The following AFF3 variants were observed in gnomAD, a reference collection of about 807,000 sequenced individuals.
AFF3 encodes ALF transcription elongation factor 3.
In AFF3, 32 loss-of-function variants were observed where a neutral mutation model predicts 129.7. That is an observed-to-expected ratio of 0.25 (90% confidence interval 0.19 to 0.33). The LOEUF is 0.33. Among genes scored for constraint, AFF3 ranks in the 10% least tolerant of loss-of-function variants. The pLI is 1.00. For missense variants in AFF3, 1,373 were observed against 1,592.0 expected (o/e 0.86, Z 2.34); for synonymous variants, 644 against 635.4 (o/e 1.01, Z -0.20).
chr2:100,078,960 T>G (rs1372344101), intron 4 of AFF3, among the ~76,000 whole-genome samples: 1 of 149,304 alleles, frequency 6.7e-6, no homozygotes, highest in Non-Finnish European at 1.5e-5. Context: ...TTTTTTTTTT[T>G]GAGACAGAGT....
chr2:99,559,189 T>A (rs1029203491), intron 21 of AFF3, among the ~76,000 whole-genome samples: 14 of 152,230 alleles, frequency 9.2e-5, no homozygotes, highest in Non-Finnish European at 1.6e-4. Flanking sequence ...CATTTATCAC[T>A]AGATAATTTT....
chr2:100,022,218 C>G (rs564434682), intron 4 of AFF3, among the ~76,000 whole-genome samples: 3 of 152,276 alleles, frequency 2.0e-5, no homozygotes, highest in East Asian at 3.9e-4. Flanking sequence ...CAGTTAGACA[C>G]CTAATCTATC....
intron 11 of AFF3, among the ~76,000 whole-genome samples, chr2:99,685,541 C>T (rs999483524): frequency 2.0e-4 from 31 of 152,098 alleles, no homozygotes; most frequent in African/African-American, 4.6e-4. Context: ...TTCAGCATTT[C>T]GTCATGGTTT....
At chr2:100,120,688 C>T (rs1250588234) in intron 2 of AFF3, among the ~76,000 whole-genome samples, 1 of 152,026 alleles carries the variant, frequency 6.6e-6, no homozygotes, top group African/African-American at 2.4e-5. Context: ...AGAGATTGGG[C>T]CTAGCTCCAT....
intron 7 of AFF3, among the ~76,000 whole-genome samples, chr2:99,987,332 G>A (rs1484294500): frequency 6.6e-6 from 1 of 152,156 alleles, no homozygotes; most frequent in Non-Finnish European, 1.5e-5. Context: ...CTAGCACAAT[G>A]AAGCACTCCA....
intron 8 of AFF3, among the ~76,000 whole-genome samples, chr2:99,771,392 C>T (rs1470396152): frequency 7.4e-6 from 1 of 135,830 alleles, no homozygotes; most frequent in African/African-American, 2.8e-5. Context: ...ATATGTATCC[C>T]AGAACTTAAA....
At chr2:99,828,272 T>C (rs1393073421) in intron 8 of AFF3, among the ~76,000 whole-genome samples, 12 of 152,170 alleles carry the variant, frequency 7.9e-5, no homozygotes, top group Admixed American at 7.9e-4. Flanking sequence ...GAACATTGCA[T>C]TGATGGTGAG....
At chr2:100,138,944 CAAAAAA>C (rs34526914) in intron 1 of AFF3, among the ~76,000 whole-genome samples, 1 of 120,296 alleles carries the variant, frequency 8.3e-6, no homozygotes, top group Non-Finnish European at 1.7e-5. Context: ...GACTCTGTCT[CAAAAAA>C]AAAAAAAAAA....
intron 15 of AFF3, among the ~76,000 whole-genome samples, chr2:99,588,343 A>AT (rs1678333087): frequency 6.6e-6 from 1 of 151,784 alleles, no homozygotes; most frequent in Non-Finnish European, 1.5e-5. Context: ...TGCCTGGCTA[A>AT]TTTTTTGTAT....
chr2:99,958,177 A>G (rs898543962), intron 7 of AFF3, among the ~76,000 whole-genome samples: 1 of 152,164 alleles, frequency 6.6e-6, no homozygotes, highest in African/African-American at 2.4e-5. Context: ...AATTGATGGA[A>G]CTGAGTAGTT....
intron 7 of AFF3, among the ~76,000 whole-genome samples, chr2:100,004,739 G>T (rs185973028): frequency 2.0e-5 from 3 of 152,210 alleles, no homozygotes; most frequent in African/African-American, 7.2e-5. Flanking sequence ...GTGAAATTTA[G>T]TCATGTTTTT....
At chr2:100,105,457 T>G (rs769128403) in intron 3 of AFF3, 47 bp downstream of exon 3, 23 of 1,322,622 alleles carry the variant, frequency 1.7e-5, no homozygotes, top group Non-Finnish European at 5.0e-6. Context: ...ACCCACCCTC[T>G]AGCTGGCCAG....
chr2:100,047,975 C>T (rs937274966), intron 4 of AFF3, among the ~76,000 whole-genome samples: 6 of 152,222 alleles, frequency 3.9e-5, no homozygotes, highest in Non-Finnish European at 7.3e-5. Context: ...CTGCATATCT[C>T]CATACTCATC....
intron 7 of AFF3, among the ~76,000 whole-genome samples, chr2:99,864,828 T>C (rs1211824763): frequency 6.6e-6 from 1 of 152,190 alleles, no homozygotes; most frequent in Non-Finnish European, 1.5e-5. Context: ...GGCTAGGTAA[T>C]ATGTTCTTTG....
intron 22 of AFF3, among the ~76,000 whole-genome samples, chr2:99,555,125 T>C (rs948840404): frequency 3.3e-5 from 5 of 152,174 alleles, no homozygotes; most frequent in African/African-American, 1.2e-4. Flanking sequence ...GTGAAGGGCT[T>C]CACCCACAGC....
At chr2:100,016,454 G>A (rs1683084365) in intron 4 of AFF3, among the ~76,000 whole-genome samples, 2 of 150,716 alleles carry the variant, frequency 1.3e-5, no homozygotes, top group African/African-American at 4.9e-5. Context: ...TGGTGGAGAT[G>A]GTGATGGTGG....
At chr2:99,729,008 G>T (rs1679585968) in intron 10 of AFF3, among the ~76,000 whole-genome samples, 1 of 152,048 alleles carries the variant, frequency 6.6e-6, no homozygotes, top group African/African-American at 2.4e-5. Flanking sequence ...TATAACACCT[G>T]CATTATATAA....
intron 13 of AFF3, among the ~76,000 whole-genome samples, chr2:99,610,547 C>T (rs1575500094): frequency 6.6e-6 from 1 of 152,166 alleles, no homozygotes; most frequent in South Asian, 2.1e-4. Context: ...TTCCATGGTA[C>T]AGACCTTTAA....
chr2:99,701,180 G>A (rs921103580), intron 11 of AFF3, among the ~76,000 whole-genome samples: 1 of 152,038 alleles, frequency 6.6e-6, no homozygotes, highest in African/African-American at 2.4e-5. Context: ...GCAAGGTGGC[G>A]GCAGGATAGA....
Sources: allele counts gnomAD v4.1 joint callset (sites outside exome capture counted in the v4.1 genomes callset), GRCh38; gene constraint gnomAD v4.1.1; transcripts MANE v1.5; gene names NCBI Gene and HGNC (gene_info 2026-07-23, HGNC 2026-07-21).